RBMS1: variants seen among roughly 807,000 people sequenced by gnomAD.
RBMS1 encodes the protein RNA-binding motif, single-stranded-interacting protein 1.
RBMS1 carries 17 observed loss-of-function variants against 62.3 expected under a neutral mutation model. The observed-to-expected ratio is 0.27, with a 90% confidence interval of 0.19 to 0.41. The LOEUF is 0.41. RBMS1 is among the 10% of genes least tolerant of loss of function. RBMS1 has a pLI of 1.00. For synonymous variants in RBMS1, 172 were observed against 170.0 expected, an observed-to-expected ratio of 1.01 and a Z score of -0.09; for missense variants, 334 against 504.5, an observed-to-expected ratio of 0.66 and a Z score of 3.24.
chr2:160,407,783 C>A (rs1230878982), intron 1 of RBMS1: 5 of 981,164 alleles, frequency 5.1e-6, no homozygotes, highest in South Asian at 4.7e-5. Context: ...GGGCAGCCGC[C>A]GCCCTGCGTG....
chr2:160,376,693 T>C (rs1694017635), intron 1 of RBMS1, among the ~76,000 whole-genome samples: 1 of 152,040 alleles, frequency 6.6e-6, no homozygotes, highest in Admixed American at 6.6e-5. Context: ...TGGAATGCAG[T>C]AGTGCAATCA....
At chr2:160,439,460 A>G (rs1683297728) in intron 1 of RBMS1, among the ~76,000 whole-genome samples, 1 of 142,826 alleles carries the variant, frequency 7.0e-6, no homozygotes, top group South Asian at 2.3e-4. Context: ...GACGATGGGC[A>G]GCCGGGCAGA....
chr2:160,351,083 A>G (rs1180588663), intron 2 of RBMS1, among the ~76,000 whole-genome samples: 1 of 151,422 alleles, frequency 6.6e-6, no homozygotes, highest in Non-Finnish European at 1.5e-5. Flanking sequence ...AGGACAAAAA[A>G]CCAAACACCG....
At chr2:160,477,773 G>C (rs1454680410) in intron 1 of RBMS1, among the ~76,000 whole-genome samples, 1 of 152,040 alleles carries the variant, frequency 6.6e-6, no homozygotes, top group African/African-American at 2.4e-5. Flanking sequence ...TTTCCTTTTA[G>C]ACTTTATATC....
intron 1 of RBMS1, among the ~76,000 whole-genome samples, chr2:160,457,113 T>A (rs1684270214): frequency 9.0e-6 from 1 of 111,298 alleles, no homozygotes; most frequent in South Asian, 2.6e-4. Flanking sequence ...ATTTTATTTT[T>A]ATTTATTTAA....
intron 1 of RBMS1, among the ~76,000 whole-genome samples, chr2:160,395,623 CAA>C (rs776181927): frequency 2.5e-4 from 13 of 53,032 alleles, no homozygotes; most frequent in Admixed American, 7.4e-4. Context: ...GACTCCGTCT[CAA>C]AAAAAAAAAA....
chr2:160,283,097 C>T (rs1688187176), intron 9 of RBMS1: 1 of 152,154 alleles, frequency 6.6e-6, no homozygotes, highest in East Asian at 1.9e-4. Flanking sequence ...GCCAAATGCA[C>T]ACTGGTTTTA....
intron 2 of RBMS1, among the ~76,000 whole-genome samples, chr2:160,360,738 C>A (rs1693083741): frequency 6.6e-6 from 1 of 152,186 alleles, no homozygotes. Flanking sequence ...GATGTCATCT[C>A]CTTCCTGAAA....
chr2:160,395,393 G>A (rs1391437510), intron 1 of RBMS1, among the ~76,000 whole-genome samples: 2 of 152,192 alleles, frequency 1.3e-5, no homozygotes, highest in Non-Finnish European at 2.9e-5. Flanking sequence ...GGGAGGCCGA[G>A]GCGGGCAGAT....
In RBMS1 at chr2:160,432,807, C is replaced by T. The variant is rs943757314; in HGVS notation, c.75+60482G>A. On this transcript the variant is annotated intron_variant, in intron 1 of 13. Transcript: ENST00000348849. ...GGAAAAGTGAGGCTCACTGCCAACA[C>T]TGCAGGAAATCTTTGTGACACACTG... Among the ~76,000 whole-genome samples the T allele has an allele frequency of 1.3e-4, 20 of 151,956 alleles. No individual in the cohort carries two copies. The East Asian group carries it at 3.5e-3, about 26-fold the overall frequency.
chr2:160,428,369 A>C (rs1682737946), intron 1 of RBMS1, among the ~76,000 whole-genome samples: 1 of 152,232 alleles, frequency 6.6e-6, no homozygotes, highest in Non-Finnish European at 1.5e-5. Flanking sequence ...TATTGGAAAG[A>C]AACAAAGTCT....
chr2:160,411,266 G>A (rs1696022172), intron 1 of RBMS1, among the ~76,000 whole-genome samples: 1 of 152,204 alleles, frequency 6.6e-6, no homozygotes, highest in African/African-American at 2.4e-5. Context: ...GGCTGAACCA[G>A]TTACTAAGGG....
intron 1 of RBMS1, among the ~76,000 whole-genome samples, chr2:160,392,506 A>G (rs1338279034): frequency 6.6e-6 from 1 of 151,950 alleles, no homozygotes; most frequent in African/African-American, 2.4e-5. Flanking sequence ...TGTATGAAAT[A>G]TATGAGCAGT....
At chr2:160,386,247 T>C (rs1006401823) in intron 1 of RBMS1, among the ~76,000 whole-genome samples, 1 of 152,144 alleles carries the variant, frequency 6.6e-6, no homozygotes, top group South Asian at 2.1e-4. Context: ...GTATAGAAGG[T>C]GGGGCCTTGG....
intron 1 of RBMS1, among the ~76,000 whole-genome samples, chr2:160,474,335 T>C (rs1324886852): frequency 1.3e-5 from 2 of 152,220 alleles, no homozygotes; most frequent in Admixed American, 6.5e-5. Context: ...CAAGTTCTTT[T>C]TTGTGTGTGT....
intron 1 of RBMS1, among the ~76,000 whole-genome samples, chr2:160,461,196 CTA>C (rs1684445723): frequency 1.3e-5 from 2 of 151,368 alleles, no homozygotes; most frequent in South Asian, 4.2e-4. Context: ...CTGCAGTGAG[CTA>C]TGATTGATCC....
intron 1 of RBMS1, among the ~76,000 whole-genome samples, chr2:160,389,817 A>AATCC (rs1014643827): frequency 9.9e-5 from 15 of 150,976 alleles, no homozygotes; most frequent in African/African-American, 2.9e-4. Context: ...TTTTTCAATC[A>AATCC]ATCCATCTAA....
Position 160,425,551 on chromosome 2 carries a change from G to A in RBMS1, c.76-58160C>T, listed in dbSNP as rs116708130. On this transcript the variant is annotated intron_variant, in intron 1 of 13. Coordinates refer to ENST00000348849, the MANE Select transcript of RBMS1 (RefSeq NM_016836.4). Reference sequence around the variant, plus strand: ...CAAGCAATGCTGGAAGGAAGGAGAAGCAATGAGGTAGAGGAATCATCACTT... The same window carrying A: ...CAAGCAATGCTGGAAGGAAGGAGAAACAATGAGGTAGAGGAATCATCACTT... Among the ~76,000 whole-genome samples, 1,267 of 152,262 alleles carry A rather than the reference G, an allele frequency of 8.3e-3. 22 individuals are homozygous for A. Among genetic ancestry groups the A allele is most frequent in the African/African-American group, 0.027 (1,125 of 41,538 alleles).
chr2:160,397,022 G>A (rs571822912), intron 1 of RBMS1, among the ~76,000 whole-genome samples: 7 of 152,176 alleles, frequency 4.6e-5, no homozygotes, highest in African/African-American at 1.7e-4. Context: ...TTGGAACAGT[G>A]CTCTCAATTT....
Sources: allele counts gnomAD v4.1 joint callset (sites outside exome capture counted in the v4.1 genomes callset), GRCh38; gene constraint gnomAD v4.1.1; transcripts MANE v1.5; gene names NCBI Gene and HGNC (gene_info 2026-07-23, HGNC 2026-07-21).